The following DLG1 variants were observed in gnomAD, a reference collection of about 807,000 sequenced individuals.
DLG1 encodes discs large MAGUK scaffold protein 1.
Under a neutral mutation model 123.4 loss-of-function variants are expected in DLG1, and 42 were observed. The observed-to-expected ratio is 0.34, with a 90% CI of 0.27 to 0.44. DLG1 has a LOEUF of 0.44. Among genes scored for constraint, DLG1 ranks in the 20% least tolerant of loss-of-function variants. DLG1 has a pLI of 1.00. For missense variants in DLG1, 942 were observed against 1,082.6 expected, an observed-to-expected ratio of 0.87 and a Z score of 1.82; for synonymous variants, 317 against 356.2, an observed-to-expected ratio of 0.89 and a Z score of 1.24.
At position 197,051,677 on chromosome 3, in the gene DLG1, A is replaced by G. The variant is rs1367773428; in HGVS notation, c.2484-9T>C. 2 of 1,602,604 alleles carry G rather than the reference A, an allele frequency of 1.2e-6. No homozygotes were observed. Among genetic ancestry groups the G allele is most frequent in the Non-Finnish European group, 1.7e-6 (2 of 1,170,574 alleles). On this transcript the variant is annotated splice_polypyrimidine_tract_variant and intron_variant, in intron 23 of 24. Transcript: ENST00000667157. ...GACGCTTATTCATTTCCCTACGAAAATAAATGTAGAAATTGATAATTACCA... is the reference window on the plus strand; with the variant it reads ...GACGCTTATTCATTTCCCTACGAAAGTAAATGTAGAAATTGATAATTACCA...
At chr3:197,297,385 T>C (rs1239630220) in intron 1 of DLG1, 150 bp from the exon 2 acceptor site, 31 of 1,443,046 alleles carry the variant, frequency 2.1e-5, no homozygotes, top group African/African-American at 7.2e-5. Context: ...AACGCAGCAG[T>C]TGTCTGTCAA....
chr3:197,117,256 C>T (rs1773820419), intron 12 of DLG1, among the ~76,000 whole-genome samples: 1 of 152,148 alleles, frequency 6.6e-6, no homozygotes, highest in African/African-American at 2.4e-5. Flanking sequence ...ACGGTGCAGG[C>T]ACTACGAAAA....
chr3:197,212,022 T>C, intron 4 of DLG1, among the ~76,000 whole-genome samples: 1 of 146,304 alleles, frequency 6.8e-6, no homozygotes, highest in East Asian at 2.0e-4. Flanking sequence ...TTCTCACTTA[T>C]AAGTGGGAAC....
intron 14 of DLG1, among the ~76,000 whole-genome samples, chr3:197,097,188 C>G (rs1761059015): frequency 6.6e-6 from 1 of 152,234 alleles, no homozygotes; most frequent in Admixed American, 6.5e-5. Flanking sequence ...GGAACTACAG[C>G]TGGTTAACTG....
chr3:197,142,476 T>TG (rs1293581319), intron 7 of DLG1, among the ~76,000 whole-genome samples: 1 of 152,200 alleles, frequency 6.6e-6, no homozygotes, highest in African/African-American at 2.4e-5. Flanking sequence ...TGGAAACTCT[T>TG]GGGACTATCT....
At chr3:197,052,316 G>A (rs1355577761) in intron 23 of DLG1, among the ~76,000 whole-genome samples, 1 of 152,036 alleles carries the variant, frequency 6.6e-6, no homozygotes, top group Non-Finnish European at 1.5e-5. Flanking sequence ...TTAGCTGGGT[G>A]TGGTGGCGCA....
rs1430793106 is a variant in DLG1 at position 197,119,425 on chromosome 3, T to A, written c.1271A>T (p.Asp424Val). Residue 424 changes from aspartate to valine, a missense_variant, in exon 12 of 25, where the codon GAT becomes GTT. Transcript: ENST00000667157. ...YSPVSKAVLG[D>V]DEITREPRKV... ...ACTTCCTTACCTTGTAATTTCATCA[T>A]CTCCAAGTACTGCTTTAGAAACTGG... The A allele has an allele frequency of 7.5e-6, 12 of 1,604,160 alleles. No homozygotes were observed. Among genetic ancestry groups the A allele is most frequent in the Non-Finnish European group, 1.0e-5 (12 of 1,174,102 alleles).
At chr3:197,286,894 CTT>C (rs71795718) in intron 3 of DLG1, among the ~76,000 whole-genome samples, 3 of 143,552 alleles carry the variant, frequency 2.1e-5, no homozygotes, top group Admixed American at 7.0e-5. Flanking sequence ...GAGCTCAGGC[CTT>C]TTTTTTTTTT....
At chr3:197,089,605 G>A (rs1210163138) in intron 15 of DLG1, among the ~76,000 whole-genome samples, 3 of 150,488 alleles carry the variant, frequency 2.0e-5, no homozygotes, top group Non-Finnish European at 4.4e-5. Context: ...TAAATGTACC[G>A]AAAATAAATA....
At chr3:197,264,577 C>A (rs971713989) in intron 4 of DLG1, among the ~76,000 whole-genome samples, 1 of 152,110 alleles carries the variant, frequency 6.6e-6, no homozygotes, top group African/African-American at 2.4e-5. Flanking sequence ...CAGATGCCTG[C>A]CACCACGCCC....
chr3:197,171,911 C>T (rs1326542216), intron 5 of DLG1, among the ~76,000 whole-genome samples: 1 of 151,970 alleles, frequency 6.6e-6, no homozygotes, highest in African/African-American at 2.4e-5. Flanking sequence ...TAAAATGGGC[C>T]CTTAATGCTT....
intron 15 of DLG1, among the ~76,000 whole-genome samples, chr3:197,086,816 C>G (rs1754665965): frequency 6.6e-6 from 1 of 151,886 alleles, no homozygotes; most frequent in Non-Finnish European, 1.5e-5. Flanking sequence ...AATAAAGTAC[C>G]TTAAGAGGTA....
At chr3:197,187,472 C>T (rs993630865) in intron 5 of DLG1, among the ~76,000 whole-genome samples, 1 of 152,098 alleles carries the variant, frequency 6.6e-6, no homozygotes, top group Non-Finnish European at 1.5e-5. Context: ...AGGAAATATA[C>T]TTATTTAGCA....
chr3:197,125,416 A>G (rs1778527698), intron 11 of DLG1, among the ~76,000 whole-genome samples: 2 of 152,288 alleles, frequency 1.3e-5, no homozygotes, highest in South Asian at 4.2e-4. Flanking sequence ...TGCGAAGAAG[A>G]AGGGGGCAAA....
At chr3:197,283,883 A>G (rs1434613401) in intron 3 of DLG1, among the ~76,000 whole-genome samples, 1 of 131,604 alleles carries the variant, frequency 7.6e-6, no homozygotes, top group Non-Finnish European at 1.6e-5. Context: ...TTTTTTTGAG[A>G]CAGAGTCTCG....
intron 4 of DLG1, among the ~76,000 whole-genome samples, chr3:197,269,858 CGT>C (rs1763198466): frequency 6.6e-6 from 1 of 151,852 alleles, no homozygotes; most frequent in Non-Finnish European, 1.5e-5. Flanking sequence ...CTGTGGAACA[CGT>C]GAGTTTAAGA....
intron 9 of DLG1, among the ~76,000 whole-genome samples, chr3:197,137,429 T>C (rs958704445): frequency 3.9e-5 from 6 of 152,190 alleles, no homozygotes; most frequent in African/African-American, 9.6e-5. Context: ...TTAATAGCAA[T>C]ACTAAACTTC....
At chr3:197,208,357 C>A (rs1159946909) in intron 4 of DLG1, among the ~76,000 whole-genome samples, 3 of 146,590 alleles carry the variant, frequency 2.0e-5, no homozygotes, top group East Asian at 2.0e-4. Context: ...CAACTTCTAT[C>A]AAAATTATGA....
chr3:197,199,259 T>C (rs1378597426), intron 4 of DLG1, among the ~76,000 whole-genome samples: 1 of 152,172 alleles, frequency 6.6e-6, no homozygotes, highest in Non-Finnish European at 1.5e-5. Context: ...CTAAAGTCTA[T>C]TCTCTATTAT....
Sources: gnomAD v4.1 joint callset for allele counts (sites outside exome capture counted in the v4.1 genomes callset) on GRCh38, gnomAD v4.1.1 for gene constraint, MANE v1.5 for transcripts, NCBI Gene and HGNC (gene_info 2026-07-23, HGNC 2026-07-21) for gene names.